SLC4A4: variants seen among roughly 807,000 people sequenced by gnomAD.
SLC4A4 encodes electrogenic sodium bicarbonate cotransporter 1.
SLC4A4 carries 27 observed loss-of-function variants against 111.5 expected under a neutral mutation model. The ratio of observed to expected loss-of-function variants is 0.24; its 90% CI spans 0.18 to 0.33. The LOEUF is 0.33. SLC4A4 is among the 10% of genes least tolerant of loss of function. SLC4A4 has a pLI of 1.00. For missense variants in SLC4A4, 909 were observed against 1,315.5 expected, an observed-to-expected ratio of 0.69 and a Z score of 4.78; for synonymous variants, 443 against 463.4, an observed-to-expected ratio of 0.96 and a Z score of 0.57.
chr4:71,208,742 A>T (rs1717947292), intron 1 of SLC4A4, among the ~76,000 whole-genome samples: 2 of 151,584 alleles, frequency 1.3e-5, no homozygotes, highest in South Asian at 4.2e-4. Context: ...TCTTTTTATG[A>T]TTGTATGAAA....
chr4:71,542,115 C>T (rs1308659692), intron 18 of SLC4A4, among the ~76,000 whole-genome samples: 3 of 152,076 alleles, frequency 2.0e-5, no homozygotes, highest in African/African-American at 7.2e-5. Flanking sequence ...GAATTTGAAG[C>T]ATAGCTTTTA....
intron 3 of SLC4A4, among the ~76,000 whole-genome samples, chr4:71,295,685 G>A (rs1724734222): frequency 6.7e-6 from 1 of 149,920 alleles, no homozygotes; most frequent in Admixed American, 6.7e-5. Context: ...TTTACATGGA[G>A]TCTCGCTCTG....
chr4:71,347,196 C>T (rs189824553), intron 4 of SLC4A4, among the ~76,000 whole-genome samples: 21 of 152,132 alleles, frequency 1.4e-4, no homozygotes, highest in Admixed American at 1.3e-3. Context: ...AGGTTGCCTA[C>T]AATATAAACT....
intron 5 of SLC4A4, among the ~76,000 whole-genome samples, chr4:71,354,672 G>A (rs538974026): frequency 2.0e-4 from 30 of 152,164 alleles, no homozygotes; most frequent in Non-Finnish European, 7.4e-5. Flanking sequence ...AAAGCTCTGC[G>A]TATATCAATT....
intron 20 of SLC4A4, 55 bp from the exon 21 acceptor site, chr4:71,555,085 A>C: frequency 1.2e-5 from 15 of 1,234,488 alleles, no homozygotes; most frequent in Non-Finnish European, 1.8e-5. Context: ...ATTCCTCTTC[A>C]TTCCTCTTTT....
Position 71,472,727 on chromosome 4 carries a change from C to T in SLC4A4, c.1660C>T (p.Arg554Cys). Residue 554 changes from arginine (R) to cysteine (C), a missense_variant, in exon 14 of 26, where the codon CGC (arginine) becomes TGC (cysteine). Transcript: ENST00000264485. Reference sequence around the variant, plus strand: ...CAATAATTTTGACTATTTGGAGTTTCGCCTTTGGATTGGCCTGTGGTCCGC... The same window carrying T: ...CAATAATTTTGACTATTTGGAGTTTTGCCTTTGGATTGGCCTGTGGTCCGC... ...KDNNFDYLEFRLWIGLWSAFL... is the reference protein window; with the variant it reads ...KDNNFDYLEFCLWIGLWSAFL... The T allele has an allele frequency of 6.2e-7, 1 of 1,612,736 alleles. No individual in the cohort carries two copies. Among genetic ancestry groups the T allele is most frequent in the Non-Finnish European group, 8.5e-7 (1 of 1,179,226 alleles).
chr4:71,125,539 G>A (rs1360887699), intron 2 of SLC4A4, among the ~76,000 whole-genome samples: 1 of 152,170 alleles, frequency 6.6e-6, no homozygotes, highest in African/African-American at 2.4e-5. Context: ...CAGCCTGGGC[G>A]ACAGAGCCAG....
chr4:71,321,419 A>C (rs1727111552), intron 3 of SLC4A4, among the ~76,000 whole-genome samples: 1 of 152,046 alleles, frequency 6.6e-6, no homozygotes, highest in African/African-American at 2.4e-5. Context: ...CAAGCAGTCG[A>C]ACTCAGTTTC....
At chr4:71,329,589 G>A (rs1727800630) in intron 3 of SLC4A4, among the ~76,000 whole-genome samples, 1 of 151,944 alleles carries the variant, frequency 6.6e-6, no homozygotes, top group Non-Finnish European at 1.5e-5. Context: ...ATTATAAATG[G>A]AATTACTTTC....
intron 3 of SLC4A4, among the ~76,000 whole-genome samples, chr4:71,294,731 A>C (rs953648669): frequency 6.6e-6 from 1 of 152,202 alleles, no homozygotes; most frequent in African/African-American, 2.4e-5. Flanking sequence ...ACTGATTTCT[A>C]CTTTACTGTG....
chr4:71,437,242 A>T, intron 7 of SLC4A4: 1 of 371,476 alleles, frequency 2.7e-6, no homozygotes, highest in Non-Finnish European at 5.3e-6. Context: ...TTCAGAGTGG[A>T]TATCAAGCCT....
At chr4:71,178,521 G>A (rs1560761190) in intron 2 of SLC4A4, among the ~76,000 whole-genome samples, 1 of 152,024 alleles carries the variant, frequency 6.6e-6, no homozygotes, top group Non-Finnish European at 1.5e-5. Flanking sequence ...TGATAAAGGG[G>A]ATATCACCAC....
At chr4:71,500,784 G>A (rs1578053277) in intron 16 of SLC4A4, among the ~76,000 whole-genome samples, 1 of 152,222 alleles carries the variant, frequency 6.6e-6, no homozygotes, top group Middle Eastern at 3.4e-3. Context: ...GGCCATAAAT[G>A]CATGGATTTA....
In SLC4A4 at chr4:71,114,330, C is replaced by T. The variant is rs1743186954; in HGVS notation, c.-2+21538C>T. On this transcript the variant is annotated intron_variant, in intron 2 of 26. Transcript: ENST00000649996. ...CAATGGCAACAAAAGACAAAATTGA[C>T]AAATGGGATCTAATTAAACTAAAGA... Among the ~76,000 whole-genome samples the T allele has an allele frequency of 2.0e-5, 3 of 151,716 alleles. No individual in the cohort carries two copies. The South Asian group carries it at 6.3e-4, about 32-fold the overall frequency.
At chr4:71,337,626 G>T (rs1032705209) in intron 3 of SLC4A4, among the ~76,000 whole-genome samples, 2 of 151,888 alleles carry the variant, frequency 1.3e-5, no homozygotes, top group Non-Finnish European at 2.9e-5. Context: ...AAGAATTGTT[G>T]GCTCACAGGA....
chr4:71,494,042 T>C (rs892887761), intron 15 of SLC4A4, among the ~76,000 whole-genome samples: 13 of 151,992 alleles, frequency 8.6e-5, no homozygotes, highest in Middle Eastern at 3.2e-3. Context: ...TGCACATTTT[T>C]CCCTTGTAGT....
At chr4:71,086,463 G>C (rs1320497961) in intron 1 of SLC4A4, among the ~76,000 whole-genome samples, 2 of 152,018 alleles carry the variant, frequency 1.3e-5, no homozygotes, top group African/African-American at 2.4e-5. Flanking sequence ...TGGTGAGAGA[G>C]GTCATCCGTG....
intron 2 of SLC4A4, among the ~76,000 whole-genome samples, chr4:71,167,138 C>T (rs577237110): frequency 3.3e-5 from 5 of 152,116 alleles, no homozygotes; most frequent in African/African-American, 9.6e-5. Context: ...GGCAGGGAGT[C>T]GGAATCATTT....
At chr4:71,344,074 T>C (rs1729116042) in intron 4 of SLC4A4, among the ~76,000 whole-genome samples, 1 of 152,128 alleles carries the variant, frequency 6.6e-6, no homozygotes, top group South Asian at 2.1e-4. Flanking sequence ...GCACCTGTCA[T>C]CATTTAGCAT....
Sources: allele counts gnomAD v4.1 joint callset (sites outside exome capture counted in the v4.1 genomes callset), GRCh38; gene constraint gnomAD v4.1.1; transcripts MANE v1.5; gene names NCBI Gene and HGNC (gene_info 2026-07-23, HGNC 2026-07-21).